Variants in GRAMD4 observed in about 807,000 individuals in gnomAD.
The protein encoded by GRAMD4 is GRAM domain containing 4, also known as GRAM domain-containing protein 4.
Under a neutral mutation model 83.9 loss-of-function variants are expected in GRAMD4, and 25 were observed. That is an observed-to-expected ratio of 0.30 (90% CI 0.22 to 0.42). GRAMD4 has a LOEUF of 0.42. Ranked by LOEUF, GRAMD4 falls within the 10% of genes least tolerant of loss-of-function variation. The probability of loss-of-function intolerance (pLI) is 1.00; values close to 1 mark genes in which losing one functional copy is unlikely to be tolerated. For synonymous variants in GRAMD4, 336 were observed against 320.9 expected (o/e 1.05, Z -0.50); for missense variants, 593 against 788.7 (o/e 0.75, Z 2.97).
At chr22:46,674,383 T>C (rs1458225370) in intron 15 of GRAMD4, among the ~76,000 whole-genome samples, 1 of 152,150 alleles carries the variant, frequency 6.6e-6, no homozygotes, top group Non-Finnish European at 1.5e-5. Flanking sequence ...TTGGAGGTGG[T>C]GTCCCGGCCA....
At chr22:46,648,951 G>GATGCATGGATGGATGGATGC (rs1555969388) in intron 3 of GRAMD4, among the ~76,000 whole-genome samples, 1 of 86,810 alleles carries the variant, frequency 1.2e-5, no homozygotes, top group Non-Finnish European at 2.8e-5. Flanking sequence ...TGGATGGATG[G>GATGCATGGATGGATGGATGC]ATGGATGGAT....
At chr22:46,680,111 G>T (rs552547814), downstream of GRAMD4, among the ~76,000 whole-genome samples, 8 of 152,330 alleles carry the variant, frequency 5.3e-5, no homozygotes, top group African/African-American at 1.9e-4. Flanking sequence ...AGGGCGAAGT[G>T]GGGGAGGTTG....
chr22:46,630,648 C>G (rs1455705531), intron 2 of GRAMD4, among the ~76,000 whole-genome samples: 1 of 152,242 alleles, frequency 6.6e-6, no homozygotes, highest in African/African-American at 2.4e-5. Context: ...GGACCCCAAG[C>G]AGCCTCACTC....
In GRAMD4 at chr22:46,659,898, T is replaced by TA. The variant is rs1437298062; in HGVS notation, c.405-1482dup. On this transcript the variant is annotated intron_variant, in intron 4 of 18. Transcript: ENST00000406902. The surrounding 1 kb of genome is among the most constrained non-coding windows in gnomAD (Gnocchi z 4.1). ...GCTCAAAGCTTAAATTACATTTAAT[T>TA]ATGTAGAGTTGCAACAGAGACCTGA... is the stretch of plus-strand genomic sequence containing the variant. 3.3e-5 allele frequency among the ~76,000 whole-genome samples: 5 copies of TA among 152,202 alleles called. No homozygotes were observed. Among genetic ancestry groups the TA allele is most frequent in the Non-Finnish European group, 7.4e-5 (5 of 68,022 alleles).
intron 17 of GRAMD4, 89 bp from the exon 18 acceptor site, chr22:46,676,511 A>G: frequency 8.5e-7 from 1 of 1,172,630 alleles, no homozygotes; most frequent in Non-Finnish European, 1.2e-6. Context: ...CTGTGTGCCC[A>G]GTGGAGGAGG....
intron 1 of GRAMD4, among the ~76,000 whole-genome samples, chr22:46,610,396 G>T (rs568616908): frequency 2.0e-5 from 3 of 152,322 alleles, no homozygotes; most frequent in African/African-American, 7.2e-5. Flanking sequence ...ACCACCCACT[G>T]CCACCTGTTT....
chr22:46,658,792 A>G (rs7288895), intron 4 of GRAMD4, among the ~76,000 whole-genome samples: 51,473 of 140,750 alleles, frequency 0.37, 9,555 homozygotes, highest in African/African-American at 0.48. Context: ...TGCCCCAGCC[A>G]CGCTGTGGCC....
intron 1 of GRAMD4, among the ~76,000 whole-genome samples, chr22:46,610,340 T>C (rs1281516214): frequency 6.6e-6 from 1 of 152,224 alleles, no homozygotes; most frequent in East Asian, 1.9e-4. Flanking sequence ...GCTAGGCATC[T>C]GTGGACCCCG....
At chr22:46,660,634 C>CA (rs2082313081) in intron 4 of GRAMD4, among the ~76,000 whole-genome samples, 1 of 152,192 alleles carries the variant, frequency 6.6e-6, no homozygotes, top group Non-Finnish European at 1.5e-5. Context: ...TGTCAGTAGG[C>CA]AGAGATTCTC....
intron 1 of GRAMD4, chr22:46,587,843 A>G: frequency 1.1e-6 from 1 of 922,068 alleles, no homozygotes; most frequent in Non-Finnish European, 1.3e-6. Flanking sequence ...AGGAAGTGAA[A>G]CAGGCGTGTG....
In GRAMD4 at chr22:46,671,763, C is replaced by A. The variant is rs1245781974; in HGVS notation, c.1085-1080C>A. 2.0e-5 allele frequency among the ~76,000 whole-genome samples: 3 copies of A among 147,712 alleles called. No homozygotes were observed. In the East Asian group the frequency reaches 6.2e-4, roughly 31 times the overall value. On this transcript the variant is annotated intron_variant, in intron 13 of 18. Transcript: ENST00000406902. ...GCTGAGGCAGGAGAATCGCTTGAAC[C>A]CGGGAGGTTGCAGTGAGCTGAGATC...
intron 9 of GRAMD4, 50 bp downstream of exon 9, chr22:46,665,756 T>C: frequency 1.0e-6 from 1 of 981,500 alleles, no homozygotes; most frequent in South Asian, 1.3e-5. Context: ...CATGTATGGC[T>C]GTGCTGTCTC....
At chr22:46,575,842 G>A (rs1405898660), upstream of GRAMD4, among the ~76,000 whole-genome samples, 1 of 152,238 alleles carries the variant, frequency 6.6e-6, no homozygotes, top group Non-Finnish European at 1.5e-5. Context: ...TGGGTCCCCA[G>A]TTCTGCAGAC....
chr22:46,577,833 G>T (rs1263886372), intron 1 of GRAMD4, among the ~76,000 whole-genome samples: 1 of 152,216 alleles, frequency 6.6e-6, no homozygotes, highest in Non-Finnish European at 1.5e-5. Flanking sequence ...AGCTCATGGG[G>T]CTCTGCTGGG....
In GRAMD4 at chr22:46,663,846, A is replaced by T. The variant is rs779282733; in HGVS notation, c.608A>T (p.Glu203Val). Residue 203 changes from glutamate (E) to valine (V), a missense_variant, in exon 7 of 19, where the codon GAA (glutamate) becomes GTA (valine). Physicochemically the swap from Glu to Val is moderately radical, Grantham distance 121 (BLOSUM62 -2). This residue lies in a region of GRAMD4 where 312 missense variants were observed against 350.7 expected (regional missense o/e 0.89). Transcript: ENST00000406902. Reference protein sequence around the residue: ...EEPLSARRLTENMRRLKRGAK... With the variant: ...EEPLSARRLTVNMRRLKRGAK... ...CTCCCCTTCTCTCTTAGGTTAACTG[A>T]AAATATGAGACGGCTCAGTGAGTAC... 1 of 1,613,432 alleles carries T rather than the reference A, an allele frequency of 6.2e-7. No homozygotes were observed. The highest frequency in any genetic ancestry group is 1.7e-5 in the Admixed American group (1 of 60,028).
At position 46,673,705 on chromosome 22, in the gene GRAMD4, C is replaced by T. The variant is rs756444047; in HGVS notation, c.1275C>T (p.Ser425=). 20 of 1,612,632 alleles carry T rather than the reference C, an allele frequency of 1.2e-5. No homozygotes were observed. Among genetic ancestry groups the T allele is most frequent in the Non-Finnish European group, 1.6e-5 (19 of 1,179,818 alleles). Residue 425 remains serine (S), a synonymous_variant, in exon 15 of 19, where the codon AGC becomes AGT. Transcript: ENST00000406902. ...QTTSSRSYVP[S]APAGLGKEED... is the part of the protein sequence containing the mutation. ...CCTCGTCACGGAGCTACGTACCCAG[C>T]GCACCGGCCGGCCTGGGTAAAGAGG...
intron 10 of GRAMD4, among the ~76,000 whole-genome samples, chr22:46,667,201 C>T (rs1449515629): frequency 1.2e-4 from 19 of 152,198 alleles, no homozygotes; most frequent in Non-Finnish European, 2.8e-4. Context: ...ACAACCTCCC[C>T]AGGTAGGGTG....
chr22:46,663,777 G>A (rs2082366823), intron 6 of GRAMD4, 61 bp from the exon 7 acceptor site: 8 of 1,542,178 alleles, frequency 5.2e-6, no homozygotes, highest in Admixed American at 3.3e-5. Flanking sequence ...CCGGGCAGTG[G>A]GGACTGCAGA....
rs181298171 is a variant in GRAMD4, at chr22:46,662,669, G to T, written c.467-371G>T. ...TCTGACAACCCGGAGGTAGAAAGGGGGTTTGATGCAGACGTCTGAGGTGGG... is the reference window on the plus strand; with the variant it reads ...TCTGACAACCCGGAGGTAGAAAGGGTGTTTGATGCAGACGTCTGAGGTGGG... On this transcript the variant is annotated intron_variant, in intron 5 of 18. Coordinates refer to ENST00000406902, the MANE Select transcript of GRAMD4 (RefSeq NM_015124.5). 2.0e-5 allele frequency among the ~76,000 whole-genome samples: 3 copies of T among 152,310 alleles called. No individual in the cohort carries two copies. The East Asian group carries it at 5.8e-4, about 29-fold the overall frequency.
Sources: allele counts gnomAD v4.1 joint callset (sites outside exome capture counted in the v4.1 genomes callset), GRCh38; gene constraint gnomAD v4.1.1; regional missense constraint gnomAD v4.1.1; non-coding constraint Gnocchi (gnomAD v3.1); transcripts MANE v1.5; gene names NCBI Gene and HGNC (gene_info 2026-07-23, HGNC 2026-07-21).